Variants in CHODL observed in about 807,000 individuals in gnomAD.
CHODL encodes the protein chondrolectin.
Under a neutral mutation model 34.5 loss-of-function variants are expected in CHODL, and 29 were observed. The ratio of observed to expected loss-of-function variants is 0.84; its 90% confidence interval spans 0.63 to 1.15. The LOEUF (loss-of-function observed/expected upper bound fraction) is 1.15. CHODL is among the 50% of genes most tolerant of loss of function. The pLI, the probability that CHODL is intolerant of heterozygous loss-of-function variation, is 0.00. For synonymous variants in CHODL, 125 were observed against 116.1 expected, an observed-to-expected ratio of 1.08 and a Z score of -0.49; for missense variants, 332 against 332.5, an observed-to-expected ratio of 1.00 and a Z score of 0.01.
At chr21:18,109,739 T>A (rs2065324100) in intron 2 of CHODL, among the ~76,000 whole-genome samples, 1 of 152,142 alleles carries the variant, frequency 6.6e-6, no homozygotes, top group Non-Finnish European at 1.5e-5. Context: ...TTCTCTTGCA[T>A]GCAACAAAAA....
chr21:18,074,033 G>T (rs2146503656), intron 2 of CHODL, among the ~76,000 whole-genome samples: 1 of 152,150 alleles, frequency 6.6e-6, no homozygotes, highest in Non-Finnish European at 1.5e-5. Flanking sequence ...GAGCTGAAAT[G>T]TCGAAAGAAT....
At chr21:18,000,803 T>C (rs887429624) in intron 1 of CHODL, among the ~76,000 whole-genome samples, 6 of 152,170 alleles carry the variant, frequency 3.9e-5, no homozygotes, top group African/African-American at 1.4e-4. Context: ...TAAATACTCA[T>C]ATTAATTATA....
At chr21:17,998,674 G>A (rs1360297285) in intron 1 of CHODL, among the ~76,000 whole-genome samples, 1 of 152,204 alleles carries the variant, frequency 6.6e-6, no homozygotes, top group Non-Finnish European at 1.5e-5. Context: ...CAAGGCTTGG[G>A]GCTTCCACCC....
At chr21:18,127,684 T>G (rs1389262066) in intron 2 of CHODL, among the ~76,000 whole-genome samples, 2 of 136,696 alleles carry the variant, frequency 1.5e-5, no homozygotes, top group African/African-American at 5.9e-5. Context: ...TTTTTTTTTT[T>G]TTTTTTTTTT....
intron 1 of CHODL, among the ~76,000 whole-genome samples, chr21:17,984,490 G>C (rs1279593484): frequency 5.3e-5 from 8 of 151,994 alleles, no homozygotes; most frequent in African/African-American, 1.9e-4. Flanking sequence ...ATATAGGATA[G>C]ATATTAACCC....
intron 1 of CHODL, among the ~76,000 whole-genome samples, chr21:18,009,843 G>A (rs1233415885): frequency 2.8e-5 from 4 of 140,656 alleles, no homozygotes; most frequent in East Asian, 2.1e-4. Context: ...AGCTGAGATC[G>A]AGCCACTGCA....
At chr21:18,004,223 T>C (rs976461843) in intron 1 of CHODL, among the ~76,000 whole-genome samples, 1 of 152,262 alleles carries the variant, frequency 6.6e-6, no homozygotes. Context: ...TATATGTTCT[T>C]AATTACTTAT....
chr21:18,177,546 C>T (rs2073330990), intron 2 of CHODL, among the ~76,000 whole-genome samples: 2 of 152,122 alleles, frequency 1.3e-5, no homozygotes, highest in African/African-American at 4.8e-5. Flanking sequence ...AATTTAGTAT[C>T]AATCTACTTC....
At chr21:18,171,567 A>C (rs1329810963) in intron 2 of CHODL, among the ~76,000 whole-genome samples, 2 of 151,998 alleles carry the variant, frequency 1.3e-5, no homozygotes, top group African/African-American at 4.8e-5. Context: ...TAGCAACTTC[A>C]GTGTTTGGAT....
intron 2 of CHODL, among the ~76,000 whole-genome samples, chr21:18,186,045 A>G (rs1276576422): frequency 4.6e-5 from 7 of 152,112 alleles, no homozygotes; most frequent in Non-Finnish European, 1.0e-4. Context: ...ATAAAGTAGG[A>G]GCTCCCTAAG....
intron 2 of CHODL, among the ~76,000 whole-genome samples, chr21:18,093,328 G>A (rs550244297): frequency 6.6e-6 from 1 of 152,114 alleles, no homozygotes; most frequent in South Asian, 2.1e-4. Context: ...TGTCCTACAA[G>A]AAATCTAAAG....
intron 1 of CHODL, among the ~76,000 whole-genome samples, chr21:18,017,473 A>G (rs540154202): frequency 6.6e-6 from 1 of 152,268 alleles, no homozygotes; most frequent in East Asian, 1.9e-4. Flanking sequence ...GGCTCAAAGA[A>G]CCCCAGAGAC....
chr21:18,127,294 G>T (rs1228862712), intron 2 of CHODL, among the ~76,000 whole-genome samples: 1 of 152,052 alleles, frequency 6.6e-6, no homozygotes, highest in Non-Finnish European at 1.5e-5. Flanking sequence ...ACTTTAAAAG[G>T]ATGATTCATA....
At chr21:17,979,079 CT>C (rs2063694186) in intron 1 of CHODL, among the ~76,000 whole-genome samples, 1 of 152,154 alleles carries the variant, frequency 6.6e-6, no homozygotes, top group South Asian at 2.1e-4. Flanking sequence ...TTGGGCCCAT[CT>C]GGATAATTCA....
chr21:18,046,395 G>A (rs1232799242), intron 2 of CHODL, among the ~76,000 whole-genome samples: 1 of 151,900 alleles, frequency 6.6e-6, no homozygotes, highest in East Asian at 1.9e-4. Flanking sequence ...GAGAGATGAT[G>A]GTGGCACACA....
intron 2 of CHODL, among the ~76,000 whole-genome samples, chr21:18,111,306 CT>C (rs964012782): frequency 3.3e-4 from 51 of 152,256 alleles, no homozygotes; most frequent in African/African-American, 1.1e-3. Context: ...ATTCACATTT[CT>C]TTTTTAATTT....
intron 4 of CHODL, among the ~76,000 whole-genome samples, chr21:18,261,556 A>C (rs990328956): frequency 7.2e-5 from 11 of 151,812 alleles, no homozygotes; most frequent in Non-Finnish European, 8.8e-5. Context: ...AATTCCAGCT[A>C]TTTGGGAGGC....
chr21:18,224,069 C>T (rs370021962), intron 2 of CHODL, among the ~76,000 whole-genome samples: 9 of 152,112 alleles, frequency 5.9e-5, no homozygotes, highest in East Asian at 1.9e-4. Context: ...GAGCCCAATA[C>T]GGCTCTTGCT....
chr21:17,957,773 G>GTTC (rs2063503599), intron 1 of CHODL, among the ~76,000 whole-genome samples: 1 of 151,404 alleles, frequency 6.6e-6, no homozygotes, highest in African/African-American at 2.4e-5. Context: ...GTGCAAATTA[G>GTTC]TTCTCAAATC....
Sources: gnomAD v4.1 joint callset for allele counts (sites outside exome capture counted in the v4.1 genomes callset) on GRCh38, gnomAD v4.1.1 for gene constraint, MANE v1.5 for transcripts, NCBI Gene and HGNC (gene_info 2026-07-23, HGNC 2026-07-21) for gene names.